HRH2: variants seen among roughly 807,000 people sequenced by gnomAD.
HRH2 encodes histamine receptor H2, also known as histamine H2 receptor.
HRH2 carries 4 observed loss-of-function variants against 20.1 expected under a neutral mutation model. That is an observed-to-expected ratio of 0.20 (90% CI 0.10 to 0.45). The LOEUF (loss-of-function observed/expected upper bound fraction) is 0.45. Among genes scored for constraint, HRH2 ranks in the 20% least tolerant of loss-of-function variants. HRH2 has a pLI of 0.99. For missense variants in HRH2, 250 were observed against 461.6 expected (o/e 0.54, Z 4.20); for synonymous variants, 197 against 200.7 (o/e 0.98, Z 0.16).
chr5:175,695,444 A>G (rs13356258), intron 2 of HRH2, among the ~76,000 whole-genome samples: 21,755 of 152,084 alleles, frequency 0.14, 3,393 homozygotes, highest in African/African-American at 0.39. Context: ...AGGAGTAGGT[A>G]GGAGAAAACC....
chr5:175,695,296 C>T (rs1756535635), intron 2 of HRH2, among the ~76,000 whole-genome samples: 1 of 152,070 alleles, frequency 6.6e-6, no homozygotes, highest in Non-Finnish European at 1.5e-5. Context: ...TGCCAAGCCT[C>T]GGTTTCTTCA....
chr5:175,707,320 C>T (rs1333713303), intron 2 of HRH2, among the ~76,000 whole-genome samples: 2 of 152,056 alleles, frequency 1.3e-5, no homozygotes, highest in African/African-American at 2.4e-5. Context: ...GTGTCAGCTA[C>T]TCGGGAGGCT....
intron 2 of HRH2, among the ~76,000 whole-genome samples, chr5:175,701,794 A>T (rs940964415): frequency 6.6e-6 from 1 of 152,346 alleles, no homozygotes; most frequent in Non-Finnish European, 1.5e-5. Context: ...GGAACTGAGG[A>T]TGGAAATGTG....
chr5:175,695,443 TAG>T (rs1756542371), intron 2 of HRH2, among the ~76,000 whole-genome samples: 1 of 152,144 alleles, frequency 6.6e-6, no homozygotes, highest in East Asian at 1.9e-4. Context: ...CAGGAGTAGG[TAG>T]GAGAAAACCC....
chr5:175,690,643 G>A (rs1033397688), intron 2 of HRH2, among the ~76,000 whole-genome samples: 1 of 152,176 alleles, frequency 6.6e-6, no homozygotes, highest in African/African-American at 2.4e-5. Context: ...AAAGTGGACA[G>A]TTGGGTGGTT....
chr5:175,696,594 G>A (rs1342971552), intron 2 of HRH2, among the ~76,000 whole-genome samples: 1 of 152,212 alleles, frequency 6.6e-6, no homozygotes, highest in African/African-American at 2.4e-5. Flanking sequence ...CCTCCTCCAT[G>A]CACACTCTTG....
At position 175,710,312 on chromosome 5, in the gene HRH2, G is replaced by C. The variant is rs1757056345; in HGVS notation, c.*2341G>C. 3 of 152,494 alleles carry C rather than the reference G, an allele frequency of 2.0e-5. No individual in the cohort carries two copies. Among genetic ancestry groups the C allele is most frequent in the Admixed American group, 2.0e-4 (3 of 15,308 alleles). The allele number at this position is 152,494 out of a possible 1,614,324, so 9.4% of individuals were successfully genotyped here. On this transcript the variant is annotated 3_prime_UTR_variant, in exon 3 of 3. Coordinates refer to ENST00000636584, the MANE Select transcript of HRH2 (RefSeq NM_001367711.1). Reference sequence around the variant, plus strand: ...TCAGAGAAAAGAGAGTGCAGAGAGTGGCCAAAACAGATGCTTTCAGCAGTG... The same window carrying C: ...TCAGAGAAAAGAGAGTGCAGAGAGTCGCCAAAACAGATGCTTTCAGCAGTG...
At chr5:175,662,724 T>A (rs1762774208) in intron 1 of HRH2, among the ~76,000 whole-genome samples, 1 of 152,194 alleles carries the variant, frequency 6.6e-6, no homozygotes, top group Non-Finnish European at 1.5e-5. Flanking sequence ...TCCATAATTT[T>A]TAGGATATTC....
chr5:175,688,947 T>A (rs1394719107), intron 2 of HRH2, among the ~76,000 whole-genome samples: 1 of 152,166 alleles, frequency 6.6e-6, no homozygotes, highest in Non-Finnish European at 1.5e-5. Flanking sequence ...TATCCCAGTC[T>A]CCGGGCGTGG....
chr5:175,684,480 T>A, intron 2 of HRH2, 171 bp downstream of exon 2: 1 of 447,130 alleles, frequency 2.2e-6, no homozygotes, highest in Non-Finnish European at 3.0e-6. Context: ...CCCCCAAAGG[T>A]AGAACTTAGC....
chr5:175,691,057 C>T (rs894812428), intron 2 of HRH2, among the ~76,000 whole-genome samples: 2 of 152,216 alleles, frequency 1.3e-5, no homozygotes, highest in African/African-American at 2.4e-5. Flanking sequence ...AGCCCATGGC[C>T]TCTGCAGGCC....
chr5:175,658,475 ATATCC>A (rs1477393987), intron 1 of HRH2, among the ~76,000 whole-genome samples: 4 of 152,012 alleles, frequency 2.6e-5, no homozygotes, highest in African/African-American at 9.7e-5. Context: ...GGTCGGCTTT[ATATCC>A]CCTTTGCCCG....
chr5:175,671,960 G>A (rs778925557), intron 1 of HRH2, among the ~76,000 whole-genome samples: 14 of 152,062 alleles, frequency 9.2e-5, no homozygotes, highest in Non-Finnish European at 8.8e-5. Flanking sequence ...CCTCTCTGGG[G>A]TGCTACAGAA....
At chr5:175,666,466 A>G (rs1461654351) in intron 1 of HRH2, among the ~76,000 whole-genome samples, 1 of 152,148 alleles carries the variant, frequency 6.6e-6, no homozygotes, top group Non-Finnish European at 1.5e-5. Context: ...TCACTCCGTC[A>G]CTGAGGCTGG....
At chr5:175,694,104 A>G (rs1756479466) in intron 2 of HRH2, among the ~76,000 whole-genome samples, 2 of 152,148 alleles carry the variant, frequency 1.3e-5, no homozygotes, top group South Asian at 2.1e-4. Flanking sequence ...GGAAGGACCA[A>G]TTGAGTGAGT....
chr5:175,671,031 A>G (rs1259267976), intron 1 of HRH2, among the ~76,000 whole-genome samples: 1 of 152,262 alleles, frequency 6.6e-6, no homozygotes, highest in African/African-American at 2.4e-5. Context: ...GCTAAGTGCC[A>G]TGTTGGAAGT....
chr5:175,673,606 G>C (rs1561723699), intron 1 of HRH2, among the ~76,000 whole-genome samples: 1 of 152,108 alleles, frequency 6.6e-6, no homozygotes, highest in Non-Finnish European at 1.5e-5. Flanking sequence ...GAGAGAGGTG[G>C]TGGTTGCACA....
intron 2 of HRH2, among the ~76,000 whole-genome samples, chr5:175,701,248 T>G (rs1756780030): frequency 6.6e-6 from 1 of 152,184 alleles, no homozygotes; most frequent in African/African-American, 2.4e-5. Context: ...ACACGGTCCA[T>G]GTAAAAACAC....
chr5:175,702,487 T>C (rs953702911), intron 2 of HRH2, among the ~76,000 whole-genome samples: 11 of 149,714 alleles, frequency 7.3e-5, no homozygotes, highest in Non-Finnish European at 1.5e-4. Flanking sequence ...AAAAAAGATA[T>C]ACTCAGCAAA....
Sources: gnomAD v4.1 joint callset for allele counts (sites outside exome capture counted in the v4.1 genomes callset) on GRCh38, gnomAD v4.1.1 for gene constraint, MANE v1.5 for transcripts, NCBI Gene and HGNC (gene_info 2026-07-23, HGNC 2026-07-21) for gene names.